ELP4: variants seen among roughly 807,000 people sequenced by gnomAD.
ELP4 encodes elongator acetyltransferase complex subunit 4, also known as elongator complex protein 4.
In ELP4, 51 loss-of-function variants were observed where a neutral mutation model predicts 48.9. The observed-to-expected ratio is 1.04, with a 90% CI of 0.83 to 1.32. ELP4 has a LOEUF of 1.32. Among genes scored for constraint, ELP4 ranks in the 40% most tolerant of loss-of-function variants. ELP4 has a pLI of 0.00. For synonymous variants in ELP4, 210 were observed against 189.2 expected (o/e 1.11, Z -0.90); for missense variants, 519 against 514.6 (o/e 1.01, Z -0.08).
At chr11:31,542,281 G>GA (rs1006443608) in intron 3 of ELP4, among the ~76,000 whole-genome samples, 3 of 152,140 alleles carry the variant, frequency 2.0e-5, no homozygotes, top group African/African-American at 7.2e-5. Context: ...ACACAGCTAG[G>GA]ATCACAAGGA....
chr11:31,531,701 G>A (rs1592088162), intron 2 of ELP4, among the ~76,000 whole-genome samples: 1 of 152,178 alleles, frequency 6.6e-6, no homozygotes, highest in Admixed American at 6.5e-5. Flanking sequence ...TATATGGCTT[G>A]CTTTTTGGGT....
intron 9 of ELP4, among the ~76,000 whole-genome samples, chr11:31,691,778 G>A (rs1946286654): frequency 6.6e-6 from 1 of 152,114 alleles, no homozygotes; most frequent in Non-Finnish European, 1.5e-5. Context: ...AACTAGGAAT[G>A]TAAATATTTA....
At chr11:31,538,659 A>G (rs1223246257) in intron 2 of ELP4, among the ~76,000 whole-genome samples, 1 of 151,500 alleles carries the variant, frequency 6.6e-6, no homozygotes, top group Admixed American at 6.6e-5. Flanking sequence ...GTTTTACAGT[A>G]TTTAAAACCA....
chr11:31,652,665 G>A (rs1450652660), intron 9 of ELP4: 1 of 151,732 alleles, frequency 6.6e-6, no homozygotes, highest in African/African-American at 2.4e-5. Flanking sequence ...AAAATAGGTA[G>A]TCTACTGAAT....
intron 9 of ELP4, among the ~76,000 whole-genome samples, chr11:31,771,939 G>A (rs1404907314): frequency 2.6e-5 from 4 of 151,686 alleles, no homozygotes; most frequent in African/African-American, 7.3e-5. Flanking sequence ...CCAAGATTGT[G>A]CCACTGCACT....
intron 9 of ELP4, among the ~76,000 whole-genome samples, chr11:31,764,954 G>A (rs1210060650): frequency 1.3e-5 from 2 of 152,100 alleles, no homozygotes; most frequent in Non-Finnish European, 2.9e-5. Flanking sequence ...CAAAAGGACC[G>A]CTCTTTAGTA....
intron 9 of ELP4, among the ~76,000 whole-genome samples, chr11:31,776,927 C>T (rs561043028): frequency 6.6e-6 from 1 of 152,156 alleles, no homozygotes; most frequent in Non-Finnish European, 1.5e-5. Context: ...CAGAAATATT[C>T]AGCTGCTACC....
chr11:31,768,410 T>C (rs886434066), intron 9 of ELP4, among the ~76,000 whole-genome samples: 3 of 152,198 alleles, frequency 2.0e-5, no homozygotes, highest in African/African-American at 7.2e-5. Flanking sequence ...TCATTCATTA[T>C]GAAAAGCTTT....
chr11:31,583,046 T>C (rs909725876), intron 3 of ELP4, among the ~76,000 whole-genome samples: 7 of 152,122 alleles, frequency 4.6e-5, no homozygotes, highest in Admixed American at 1.3e-4. Flanking sequence ...ACTTTCCATT[T>C]CTCTTGCACA....
At chr11:31,589,717 T>C (rs1455563141) in intron 3 of ELP4, among the ~76,000 whole-genome samples, 1 of 152,220 alleles carries the variant, frequency 6.6e-6, no homozygotes, top group Non-Finnish European at 1.5e-5. Context: ...CAACTAATTA[T>C]ATATAGAATT....
At chr11:31,646,350 A>G (rs1945198202) in intron 7 of ELP4, 1 of 151,822 alleles carries the variant, frequency 6.6e-6, no homozygotes, top group Admixed American at 6.6e-5. Context: ...TTCTTTATAT[A>G]ACACACATTC....
chr11:31,548,932 T>G, intron 3 of ELP4, among the ~76,000 whole-genome samples: 1 of 152,058 alleles, frequency 6.6e-6, no homozygotes. Flanking sequence ...TGGCTAGCCA[T>G]ATGTAGAAAG....
intron 3 of ELP4, among the ~76,000 whole-genome samples, chr11:31,594,406 G>A (rs1395325473): frequency 2.6e-5 from 4 of 151,984 alleles, no homozygotes. Flanking sequence ...TTTTTACCTT[G>A]TGGCCAACAT....
intron 9 of ELP4, among the ~76,000 whole-genome samples, chr11:31,702,615 TG>T (rs1220428452): frequency 1.3e-5 from 2 of 152,162 alleles, no homozygotes. Flanking sequence ...GTTTTTCATC[TG>T]TAGGTGTTTC....
At chr11:31,647,884 CAGG>C in intron 8 of ELP4, 35 bp downstream of exon 8, 1 of 1,285,764 alleles carries the variant, frequency 7.8e-7, no homozygotes, top group Non-Finnish European at 1.1e-6. Context: ...AGAGCAGGAG[CAGG>C]CTGCTTCTAG....
chr11:31,777,174 A>AT (rs58039300), intron 9 of ELP4, among the ~76,000 whole-genome samples: 2,650 of 150,136 alleles, frequency 0.018, 25 homozygotes, highest in African/African-American at 0.032. Flanking sequence ...TATAACATTG[A>AT]TTTTTTTTTT....
chr11:31,514,432 C>T (rs570790746), intron 1 of ELP4, among the ~76,000 whole-genome samples: 1 of 152,174 alleles, frequency 6.6e-6, no homozygotes, highest in Admixed American at 6.5e-5. Flanking sequence ...ATACTCCAGC[C>T]TGGGTGACAG....
chr11:31,546,762 G>C (rs1474760701), intron 3 of ELP4, among the ~76,000 whole-genome samples: 3 of 151,918 alleles, frequency 2.0e-5, no homozygotes, highest in Non-Finnish European at 2.9e-5. Flanking sequence ...AAATGTAAAA[G>C]AACAGAAATT....
At chr11:31,634,993 A>G (rs1017714222) in intron 7 of ELP4, among the ~76,000 whole-genome samples, 2 of 151,984 alleles carry the variant, frequency 1.3e-5, no homozygotes, top group African/African-American at 4.8e-5. Context: ...TTCTGGCCCT[A>G]ATACCAATTG....
Sources: gnomAD v4.1 joint callset for allele counts (sites outside exome capture counted in the v4.1 genomes callset) on GRCh38, gnomAD v4.1.1 for gene constraint, MANE v1.5 for transcripts, NCBI Gene and HGNC (gene_info 2026-07-23, HGNC 2026-07-21) for gene names.